SLC25A19: variants seen among roughly 807,000 people sequenced by gnomAD.
SLC25A19 encodes mitochondrial thiamine pyrophosphate carrier.
A neutral mutation model predicts 27.9 loss-of-function variants in SLC25A19; 18 were observed. The observed-to-expected ratio is 0.64, with a 90% confidence interval of 0.45 to 0.96. The LOEUF is 0.96. SLC25A19 is among the 40% of genes least tolerant of loss of function. SLC25A19 has a pLI of 0.00. For missense variants in SLC25A19, 371 were observed against 418.3 expected (o/e 0.89, Z 0.99); for synonymous variants, 169 against 167.1 (o/e 1.01, Z -0.09).
intron 6 of SLC25A19, 29 bp from the exon 7 acceptor site, chr17:75,277,512 T>C (rs1366496291): frequency 2.5e-6 from 4 of 1,612,964 alleles, no homozygotes; most frequent in Non-Finnish European, 3.4e-6. Flanking sequence ...ATTGGGAGAA[T>C]GGATGAGAGA....
At chr17:75,285,647 T>G (rs891475597) in intron 4 of SLC25A19, among the ~76,000 whole-genome samples, 2 of 152,134 alleles carry the variant, frequency 1.3e-5, no homozygotes, top group Non-Finnish European at 2.9e-5. Context: ...TTGGGTTAAT[T>G]ATGTAAGCTC....
chr17:75,287,468 C>T (rs1013016339), intron 2 of SLC25A19: 4 of 152,240 alleles, frequency 2.6e-5, no homozygotes, highest in African/African-American at 4.8e-5. Flanking sequence ...AATGTAAGCC[C>T]GTGGAAACAC....
chr17:75,277,248 G>A (rs2145740753), intron 7 of SLC25A19, 105 bp downstream of exon 7: 2 of 1,471,326 alleles, frequency 1.4e-6, no homozygotes, highest in East Asian at 4.6e-5. Flanking sequence ...AAGGGGCCAT[G>A]GCCAGGGGTG....
intron 4 of SLC25A19, 118 bp from the exon 5 acceptor site, chr17:75,283,711 G>T: frequency 1.1e-6 from 1 of 911,264 alleles, no homozygotes; most frequent in Non-Finnish European, 1.8e-6. Flanking sequence ...CGAGGAAAAG[G>T]TCAGGAAATG....
intron 3 of SLC25A19, 86 bp from the exon 4 acceptor site, chr17:75,286,545 G>A: frequency 6.2e-7 from 1 of 1,613,684 alleles, no homozygotes. Flanking sequence ...CCCTTCATCT[G>A]GATAGAATTC....
intron 6 of SLC25A19, among the ~76,000 whole-genome samples, chr17:75,277,708 G>A (rs554939439): frequency 1.3e-5 from 2 of 152,186 alleles, no homozygotes; most frequent in South Asian, 4.1e-4. Flanking sequence ...AAGGGTTGGA[G>A]GCCGCAGTCC....
chr17:75,286,754 T>C lies in SLC25A19; in HGVS notation c.11A>G (p.Tyr4Cys), dbSNP rs370540941. Residue 4 changes from tyrosine to cysteine, a missense_variant, in exon 3 of 8, where the codon TAT becomes TGT. Coordinates refer to ENST00000416858, the MANE Select transcript of SLC25A19 (RefSeq NM_001126121.2). The part of the protein sequence containing the change: MVG[Y>C]DPKPDGRNNT... The stretch of plus-strand genomic sequence containing the variant: ...ATTCCTGCCATCTGGTTTGGGGTCA[T>C]AGCCAACCATCCCTGCCTCTGGCCC... The C allele has an allele frequency of 2.5e-6, 4 of 1,614,150 alleles. No homozygotes were observed. The highest frequency in any genetic ancestry group is 3.4e-6 in the Non-Finnish European group (4 of 1,180,040).
chr17:75,279,504 A>ACC (rs2077980717), intron 5 of SLC25A19, among the ~76,000 whole-genome samples: 1 of 118,406 alleles, frequency 8.4e-6, no homozygotes, highest in African/African-American at 3.0e-5. Context: ...ATATGCTATT[A>ACC]TCTTTTTTTT....
chr17:75,286,268 G>A, intron 4 of SLC25A19, 36 bp downstream of exon 4: 1 of 1,610,730 alleles, frequency 6.2e-7, no homozygotes, highest in Non-Finnish European at 8.5e-7. Context: ...TGAGCAACGT[G>A]ACCCCAGAGG....
chr17:75,282,545 G>A (rs575030264), intron 5 of SLC25A19, among the ~76,000 whole-genome samples: 142 of 149,974 alleles, frequency 9.5e-4, no homozygotes, highest in African/African-American at 3.2e-3. Context: ...GCGAGACTCC[G>A]TCTCTTGAAA....
At chr17:75,279,250 G>A (rs1469795756) in intron 5 of SLC25A19, among the ~76,000 whole-genome samples, 7 of 151,746 alleles carry the variant, frequency 4.6e-5, no homozygotes, top group African/African-American at 1.5e-4. Context: ...ATCAGGGAGC[G>A]GCTGGGTATT....
At position 75,279,805 on chromosome 17, in the gene SLC25A19, C is replaced by T. The variant is rs1006592338; in HGVS notation, c.460-1470G>A. 2.6e-5 allele frequency among the ~76,000 whole-genome samples: 4 copies of T among 152,282 alleles called. No individual in the cohort carries two copies. In the South Asian group the frequency reaches 6.2e-4, roughly 24 times the overall value. The stretch of plus-strand genomic sequence containing the variant: ...TACAGGCGAGAGCCATCGCGCCCAG[C>T]CCAATTCTTTGTTTTTTTTGAGACA... On this transcript the variant is annotated intron_variant, in intron 5 of 7. Coordinates refer to ENST00000416858, the MANE Select transcript of SLC25A19 (RefSeq NM_001126121.2).
intron 6 of SLC25A19, among the ~76,000 whole-genome samples, 177 bp from the exon 7 acceptor site, chr17:75,277,660 C>A (rs2077925078): frequency 6.6e-6 from 1 of 152,144 alleles, no homozygotes; most frequent in African/African-American, 2.4e-5. Flanking sequence ...GGGAGAAGAG[C>A]CAGACACGGC....
At position 75,277,497 on chromosome 17, in the gene SLC25A19, G is replaced by A. The variant is rs756761648; in HGVS notation, c.644-14C>T. The stretch of plus-strand genomic sequence containing the variant: ...TTTGGAGGTTCTCTGAACCAGAGAA[G>A]TGGGATTGGGAGAATGGATGAGAGA... On this transcript the variant is annotated splice_polypyrimidine_tract_variant and intron_variant, in intron 6 of 7. Transcript: ENST00000416858. 1 of 1,613,744 alleles carries A rather than the reference G, an allele frequency of 6.2e-7. No individual in the cohort carries two copies. The highest frequency in any genetic ancestry group is 2.2e-5 in the East Asian group (1 of 44,882).
chr17:75,279,916 T>A (rs1188162706), intron 5 of SLC25A19, among the ~76,000 whole-genome samples: 1 of 152,114 alleles, frequency 6.6e-6, no homozygotes, highest in Non-Finnish European at 1.5e-5. Flanking sequence ...CTCAACTCAA[T>A]CTTCCAAGTA....
Position 75,286,657 on chromosome 17 carries a change from G to A in SLC25A19, c.108C>T (p.Phe36=), listed in dbSNP as rs138021838. The A allele has an allele frequency of 5.3e-5, 86 of 1,614,154 alleles. No homozygotes were observed. In the East Asian group the frequency reaches 8.9e-4, roughly 17 times the overall value. ...CCTGGAAACGGATCTTGATGACGTC[G>A]AAGGGACTGATCAGCGCCCGAGTAA... ...GLVTRALISP[F]DVIKIRFQLQ... Residue 36 remains phenylalanine, a synonymous_variant, in exon 3 of 8, where the codon TTC becomes TTT. Transcript: ENST00000416858.
intron 2 of SLC25A19, chr17:75,287,025 AC>A (rs2078201106): frequency 2.2e-6 from 1 of 456,168 alleles, no homozygotes; most frequent in Non-Finnish European, 4.0e-6. Flanking sequence ...ACACTGCAAA[AC>A]CCCAACTCTA....
At chr17:75,277,601 T>C (rs1239992517) in intron 6 of SLC25A19, 118 bp from the exon 7 acceptor site, 4 of 1,188,718 alleles carry the variant, frequency 3.4e-6, no homozygotes, top group Non-Finnish European at 4.9e-6. Context: ...AGCGCACTTC[T>C]ATCTGACCTC....
At chr17:75,275,975 A>AG (rs1359035992) in intron 7 of SLC25A19, among the ~76,000 whole-genome samples, 1 of 149,730 alleles carries the variant, frequency 6.7e-6, no homozygotes, top group African/African-American at 2.5e-5. Flanking sequence ...CGTCTCAAAA[A>AG]ATATATATAT....
Sources: gnomAD v4.1 joint callset for allele counts (sites outside exome capture counted in the v4.1 genomes callset) on GRCh38, gnomAD v4.1.1 for gene constraint, MANE v1.5 for transcripts, NCBI Gene and HGNC (gene_info 2026-07-23, HGNC 2026-07-21) for gene names.